The following RALGPS1 variants were observed in gnomAD, a reference collection of about 807,000 sequenced individuals.
RALGPS1 encodes ras-specific guanine nucleotide-releasing factor RalGPS1.
Under a neutral mutation model 78.8 loss-of-function variants are expected in RALGPS1, and 19 were observed. The observed-to-expected ratio is 0.24, with a 90% CI of 0.17 to 0.35. RALGPS1 has a LOEUF of 0.35. Ranked by LOEUF, RALGPS1 falls within the 10% of genes least tolerant of loss-of-function variation. The pLI, the probability that RALGPS1 is intolerant of heterozygous loss-of-function variation, is 1.00. For missense variants in RALGPS1, 454 were observed against 688.3 expected, an observed-to-expected ratio of 0.66 and a Z score of 3.81; for synonymous variants, 228 against 256.3, an observed-to-expected ratio of 0.89 and a Z score of 1.06.
Position 127,129,443 on chromosome 9 carries a change from G to T in RALGPS1, c.611-36626G>T, listed in dbSNP as rs184670993. Among the ~76,000 whole-genome samples the T allele has an allele frequency of 1.9e-4, 29 of 152,238 alleles. No individual in the cohort carries two copies. In the East Asian group the frequency reaches 5.2e-3, roughly 27 times the overall value. On this transcript the variant is annotated intron_variant, in intron 8 of 18. Coordinates refer to ENST00000259351, the MANE Select transcript of RALGPS1 (RefSeq NM_014636.3). ...ACTGAGGACAGCTTTATAGTCAGTG[G>T]GGGGGGATTCCAACCCCCTTACACA...
At chr9:127,059,670 T>C (rs1475960606) in intron 7 of RALGPS1, among the ~76,000 whole-genome samples, 1 of 151,988 alleles carries the variant, frequency 6.6e-6, no homozygotes, top group Non-Finnish European at 1.5e-5. Flanking sequence ...GATGGCTGGC[T>C]TTTCAGTTAT....
chr9:126,982,459 G>A (rs929483411), intron 4 of RALGPS1, among the ~76,000 whole-genome samples: 1 of 152,204 alleles, frequency 6.6e-6, no homozygotes, highest in Non-Finnish European at 1.5e-5. Context: ...AATGAAATGA[G>A]ATAATGCATA....
At chr9:127,064,205 T>C (rs7862531) in intron 7 of RALGPS1, among the ~76,000 whole-genome samples, 13,509 of 152,228 alleles carry the variant, frequency 0.089, 1,961 homozygotes, top group African/African-American at 0.31. Flanking sequence ...TGAACAAGAA[T>C]GGTTTTAGTA....
At chr9:126,952,057 C>G (rs955579162) in intron 1 of RALGPS1, among the ~76,000 whole-genome samples, 3 of 152,180 alleles carry the variant, frequency 2.0e-5, no homozygotes, top group African/African-American at 7.2e-5. Context: ...GAGTGAACTC[C>G]CATTCACAAT....
intron 8 of RALGPS1, chr9:127,088,634 A>G (rs2052059346): frequency 1.2e-5 from 5 of 431,878 alleles, no homozygotes; most frequent in Non-Finnish European, 2.1e-5. Flanking sequence ...GTATATTATG[A>G]AGGTACTTTG....
intron 1 of RALGPS1, among the ~76,000 whole-genome samples, chr9:126,921,254 C>G (rs1267022567): frequency 1.3e-5 from 2 of 152,212 alleles, no homozygotes; most frequent in African/African-American, 2.4e-5. Context: ...TCACCAAGCG[C>G]TCAAGGAGTC....
At chr9:126,989,853 G>C (rs2042125198) in intron 4 of RALGPS1, 15 of 1,548,188 alleles carry the variant, frequency 9.7e-6, no homozygotes, top group Non-Finnish European at 1.3e-5. Context: ...CCTTGAGCTT[G>C]ACTTGACCAG....
At chr9:127,153,769 C>T (rs1418984611) in intron 8 of RALGPS1, among the ~76,000 whole-genome samples, 1 of 152,178 alleles carries the variant, frequency 6.6e-6, no homozygotes, top group Non-Finnish European at 1.5e-5. Flanking sequence ...GCCAGAATGT[C>T]CTAATGAGGG....
At chr9:127,100,819 T>G (rs1330228682) in intron 8 of RALGPS1, among the ~76,000 whole-genome samples, 1 of 152,262 alleles carries the variant, frequency 6.6e-6, no homozygotes, top group Non-Finnish European at 1.5e-5. Flanking sequence ...AGGGATCAGC[T>G]TCATTGGTTT....
intron 5 of RALGPS1, among the ~76,000 whole-genome samples, chr9:127,044,726 C>T (rs1208299476): frequency 2.0e-5 from 3 of 152,102 alleles, no homozygotes; most frequent in Non-Finnish European, 4.4e-5. Context: ...CAGCCTTTGC[C>T]ACACTCTCTC....
rs59773981 is a variant in RALGPS1 at position 127,045,762 on chromosome 9, TACACACACACACACACAC to T, written c.301-4263_301-4246del. On this transcript the variant is annotated intron_variant, in intron 5 of 18. Coordinates refer to ENST00000259351, the MANE Select transcript of RALGPS1 (RefSeq NM_014636.3). The stretch of plus-strand genomic sequence containing the variant: ...ACACACACACACACACACACACACA[TACACACACACACACACAC>T]ACACACACACACACACAATTTCTTG... 6.6e-5 allele frequency among the ~76,000 whole-genome samples: 9 copies of T among 137,036 alleles called. No individual in the cohort carries two copies. The East Asian group carries it at 1.3e-3, about 20-fold the overall frequency. The allele number at this position is 137,036 out of a possible 152,430, so 89.9% of individuals were successfully genotyped here. A position where few individuals can be genotyped will look rare whatever the true frequency, so the allele number is the denominator to read the frequency against.
chr9:127,109,376 CAAAT>C (rs949275824), intron 8 of RALGPS1, among the ~76,000 whole-genome samples: 7 of 152,178 alleles, frequency 4.6e-5, no homozygotes, highest in African/African-American at 1.7e-4. Context: ...ATTTGATAAA[CAAAT>C]GAATCGTTAG....
chr9:127,197,743 T>G (rs772547031), intron 13 of RALGPS1, among the ~76,000 whole-genome samples: 1 of 152,150 alleles, frequency 6.6e-6, no homozygotes, highest in Non-Finnish European at 1.5e-5. Context: ...GAGGTGTGCC[T>G]TGGGAGAAGA....
intron 1 of RALGPS1, among the ~76,000 whole-genome samples, chr9:126,956,683 A>T: frequency 6.6e-6 from 1 of 152,028 alleles, no homozygotes; most frequent in East Asian, 1.9e-4. Flanking sequence ...ACTGCTGATG[A>T]TCCCCTTCCC....
chr9:126,949,183 G>A (rs2037567914), intron 1 of RALGPS1, among the ~76,000 whole-genome samples: 1 of 152,136 alleles, frequency 6.6e-6, no homozygotes, highest in Non-Finnish European at 1.5e-5. Context: ...TGGTGTATAT[G>A]TGCCACATTT....
At chr9:127,113,850 C>T (rs2055118532) in intron 8 of RALGPS1, among the ~76,000 whole-genome samples, 1 of 152,178 alleles carries the variant, frequency 6.6e-6, no homozygotes, top group Admixed American at 6.5e-5. Flanking sequence ...TGTGGTGGGG[C>T]CACACATCAT....
At chr9:126,915,225 G>A (rs1347013278) in intron 1 of RALGPS1, among the ~76,000 whole-genome samples, 1 of 143,298 alleles carries the variant, frequency 7.0e-6, no homozygotes, top group South Asian at 2.1e-4. Flanking sequence ...CCAGGGGCGC[G>A]CTGGTCCCCG....
chr9:126,942,287 CT>C (rs879862520), intron 1 of RALGPS1, among the ~76,000 whole-genome samples: 118 of 145,004 alleles, frequency 8.1e-4, no homozygotes, highest in South Asian at 1.3e-3. Context: ...ACTCTTAGGA[CT>C]TTTTTTTTTT....
intron 11 of RALGPS1, among the ~76,000 whole-genome samples, chr9:127,193,436 C>G (rs752762970): frequency 6.6e-6 from 1 of 151,892 alleles, no homozygotes; most frequent in Non-Finnish European, 1.5e-5. Context: ...GGAGAAGGTG[C>G]CTGTGCAGAG....
Sources: gnomAD v4.1 joint callset for allele counts (sites outside exome capture counted in the v4.1 genomes callset) on GRCh38, gnomAD v4.1.1 for gene constraint, MANE v1.5 for transcripts, NCBI Gene and HGNC (gene_info 2026-07-23, HGNC 2026-07-21) for gene names.